TCHP: variants seen among roughly 807,000 people sequenced by gnomAD.
The protein encoded by TCHP is trichoplein keratin filament-binding protein.
In TCHP, 81 loss-of-function variants were observed where a neutral mutation model predicts 88.7. That is an observed-to-expected ratio of 0.91 (90% CI 0.76 to 1.10). The LOEUF is 1.10. Ranked by LOEUF, TCHP falls within the 50% of genes least tolerant of loss-of-function variation. The pLI, the probability that TCHP is intolerant of heterozygous loss-of-function variation, is 0.00. For missense variants in TCHP, 641 were observed against 632.1 expected, an observed-to-expected ratio of 1.01 and a Z score of -0.15; for synonymous variants, 232 against 232.5, an observed-to-expected ratio of 1.00 and a Z score of 0.02.
At chr12:109,894,765 C>CAAAAA in the TCHP span, among the ~76,000 whole-genome samples, 3 of 74,166 alleles carry the variant, frequency 4.0e-5, no homozygotes, top group African/African-American at 9.3e-5. Context: ...AACTCTGTCC[C>CAAAAA]AAAAAAAAAA....
intron 9 of TCHP, among the ~76,000 whole-genome samples, chr12:109,911,611 CAA>C (rs1209414114): frequency 1.8e-4 from 8 of 45,528 alleles, no homozygotes; most frequent in South Asian, 7.5e-4. Context: ...GACTCTGTCT[CAA>C]AAAAAAAAAA....
the TCHP span, among the ~76,000 whole-genome samples, chr12:109,886,231 A>G: frequency 1.3e-5 from 2 of 151,922 alleles, no homozygotes; most frequent in African/African-American, 4.8e-5. Context: ...TCTACCTCCC[A>G]GGTTCAATCG....
chr12:109,887,420 A>C, the TCHP span, among the ~76,000 whole-genome samples: 2 of 151,732 alleles, frequency 1.3e-5, no homozygotes, highest in East Asian at 1.9e-4. Context: ...AAAAAAAAAA[A>C]AACAAAAAAA....
In TCHP at chr12:109,914,566, G is replaced by A. The variant is rs764274150; in HGVS notation, c.1259G>A (p.Arg420His). The change falls in exon 11 of 13, where the codon CGT becomes CAT. Residue 420 changes from arginine to histidine, a missense_variant. By Grantham distance (29) the Arg-to-His change is conservative. Coordinates refer to ENST00000405876, the MANE Select transcript of TCHP (RefSeq NM_001143852.2). The part of the protein sequence containing the change: ...RNLEEVRELA[R>H]REKEESEKLK... ...CTTGAGGAGGTGAGAGAGTTGGCTC[G>A]TCGCGAGAAAGAGGAGAGTGAAAAG... The A allele has an allele frequency of 2.6e-5, 42 of 1,613,672 alleles. No individual in the cohort carries two copies. In the South Asian group the frequency reaches 3.1e-4, roughly 12 times the overall value.
At chr12:109,908,511 G>A in intron 6 of TCHP, 75 bp from the exon 7 acceptor site, 1 of 1,299,446 alleles carries the variant, frequency 7.7e-7, no homozygotes, top group Non-Finnish European at 1.1e-6. Flanking sequence ...GCGAAAAATG[G>A]AGATGGAGAA....
upstream of TCHP, among the ~76,000 whole-genome samples, chr12:109,896,530 C>A (rs1869561294): frequency 6.6e-6 from 1 of 152,196 alleles, no homozygotes; most frequent in South Asian, 2.1e-4. Context: ...TCCTTTTCTT[C>A]TTTTTGCTTT....
At chr12:109,901,642 G>T (rs1869803388) in intron 1 of TCHP, among the ~76,000 whole-genome samples, 1 of 152,198 alleles carries the variant, frequency 6.6e-6, no homozygotes, top group Non-Finnish European at 1.5e-5. Context: ...AACATTTTAT[G>T]AAAGATTTAG....
intron 10 of TCHP, among the ~76,000 whole-genome samples, chr12:109,913,495 GTGT>G (rs1870624887): frequency 1.3e-5 from 2 of 152,198 alleles, no homozygotes; most frequent in South Asian, 4.1e-4. Flanking sequence ...TGGGTGTGCT[GTGT>G]TGTTCTAATT....
chr12:109,904,598 T>C, intron 3 of TCHP, 139 bp from the exon 4 acceptor site: 1 of 682,784 alleles, frequency 1.5e-6, no homozygotes, highest in South Asian at 1.9e-5. Flanking sequence ...ATGTGAAGCA[T>C]GAGGGTTTGA....
At chr12:109,890,634 C>T in the TCHP span, among the ~76,000 whole-genome samples, 3 of 151,934 alleles carry the variant, frequency 2.0e-5, no homozygotes, top group East Asian at 1.9e-4. Context: ...CTCAGCCTCC[C>T]GAGTAGCTGG....
the TCHP span, among the ~76,000 whole-genome samples, chr12:109,881,155 A>G: frequency 6.6e-6 from 1 of 152,236 alleles, no homozygotes; most frequent in Admixed American, 6.5e-5. Flanking sequence ...GGCAGGGAAC[A>G]TAAGGCTGAC....
At position 109,906,517 on chromosome 12, in the gene TCHP, C is replaced by T. The variant is rs553693333; in HGVS notation, c.457-55C>T. 3.4e-5 allele frequency: 53 copies of T among 1,565,566 alleles called. No homozygotes were observed. The Admixed American group carries it at 4.9e-4, about 14-fold the overall frequency. On this transcript the variant is annotated intron_variant, in intron 4 of 12. Coordinates refer to ENST00000405876, the MANE Select transcript of TCHP (RefSeq NM_001143852.2). ...ACAGAGGGCAGGAGCACACTGTCCCCACAGTGCCCATCTGTCTGGTGAGGA... is the reference window on the plus strand; with the variant it reads ...ACAGAGGGCAGGAGCACACTGTCCCTACAGTGCCCATCTGTCTGGTGAGGA...
Position 109,915,415 on chromosome 12 carries a change from C to T in TCHP, c.1333C>T (p.Arg445Trp), listed in dbSNP as rs778813871. ...TCTTGGCACTCAGGTTGCAGAGCGC[C>T]GGCTGCAGGCATGGGAAGCAGACCA... Reference protein sequence around the residue: ...QELEAQVAERRLQAWEADQQE... With the variant: ...QELEAQVAERWLQAWEADQQE... The change falls in exon 12 of 13, where the codon CGG becomes TGG. Residue 445 changes from arginine to tryptophan, a missense_variant. Physicochemically the swap from Arg to Trp is moderately radical, Grantham distance 101. Transcript: ENST00000405876. 25 of 1,614,010 alleles carry T rather than the reference C, an allele frequency of 1.5e-5. No individual in the cohort carries two copies. The highest frequency in any genetic ancestry group is 1.6e-4 in the Middle Eastern group (1 of 6,064).
intron 9 of TCHP, among the ~76,000 whole-genome samples, chr12:109,911,479 T>G (rs1256132591): frequency 6.6e-6 from 1 of 151,896 alleles, no homozygotes; most frequent in East Asian, 1.9e-4. Context: ...CAGGCGTGGT[T>G]GTTCATACCT....
At chr12:109,898,591 C>T (rs1242577228), upstream of TCHP, among the ~76,000 whole-genome samples, 1 of 152,218 alleles carries the variant, frequency 6.6e-6, no homozygotes, top group East Asian at 1.9e-4. Flanking sequence ...CCCAAGACTA[C>T]ACCAGCATGG....
chr12:109,892,850 A>C, the TCHP span, among the ~76,000 whole-genome samples: 2 of 152,094 alleles, frequency 1.3e-5, no homozygotes, highest in African/African-American at 4.8e-5. Context: ...ACCCAGGAAC[A>C]GGACAATCAA....
chr12:109,915,578 C>G (rs372056486), intron 12 of TCHP, 32 bp downstream of exon 12: 1 of 1,585,866 alleles, frequency 6.3e-7, no homozygotes, highest in Non-Finnish European at 8.6e-7. Flanking sequence ...AGGCCAACAC[C>G]GGCAAGACAG....
chr12:109,899,875 G>A (rs1869678133), upstream of TCHP, among the ~76,000 whole-genome samples: 1 of 151,918 alleles, frequency 6.6e-6, no homozygotes, highest in South Asian at 2.1e-4. Context: ...CATGGCTCAC[G>A]GCAGCCTCGA....
At chr12:109,904,712 T>C (rs374477007) in intron 3 of TCHP, 25 bp from the exon 4 acceptor site, 107 of 1,607,408 alleles carry the variant, frequency 6.7e-5, no homozygotes, top group Middle Eastern at 1.7e-4. Flanking sequence ...GACATCAGGC[T>C]TTCCATTTTG....
Sources: allele counts gnomAD v4.1 joint callset (sites outside exome capture counted in the v4.1 genomes callset), GRCh38; gene constraint gnomAD v4.1.1; transcripts MANE v1.5; gene names NCBI Gene and HGNC (gene_info 2026-07-23, HGNC 2026-07-21).